The following PDE3B variants were observed in gnomAD, a reference collection of about 807,000 sequenced individuals.
PDE3B encodes the protein cGMP-inhibited 3',5'-cyclic phosphodiesterase 3B.
In PDE3B, 66 loss-of-function variants were observed where a neutral mutation model predicts 116.8. The ratio of observed to expected loss-of-function variants is 0.56; its 90% CI spans 0.46 to 0.69. PDE3B has a LOEUF of 0.69. PDE3B is among the 30% of genes least tolerant of loss of function. PDE3B has a pLI of 0.00. For missense variants in PDE3B, 1,384 were observed against 1,368.1 expected, an observed-to-expected ratio of 1.01 and a Z score of -0.18; for synonymous variants, 595 against 533.6, an observed-to-expected ratio of 1.12 and a Z score of -1.59.
chr11:14,679,073 T>C (rs1052371459), intron 1 of PDE3B, among the ~76,000 whole-genome samples: 1 of 152,204 alleles, frequency 6.6e-6, no homozygotes, highest in Non-Finnish European at 1.5e-5. Flanking sequence ...TTTATGCAGA[T>C]TTATTTCCGG....
intron 14 of PDE3B, among the ~76,000 whole-genome samples, chr11:14,866,249 G>T (rs1053396808): frequency 6.6e-6 from 1 of 152,094 alleles, no homozygotes; most frequent in Non-Finnish European, 1.5e-5. Context: ...TAATCTAAGT[G>T]TCATTATTCA....
chr11:14,732,230 G>A (rs1856477706), intron 1 of PDE3B, among the ~76,000 whole-genome samples: 1 of 152,120 alleles, frequency 6.6e-6, no homozygotes, highest in Non-Finnish European at 1.5e-5. Context: ...GCAAAGGGAA[G>A]AGTAAAAGGA....
chr11:14,767,593 G>C lies in PDE3B; in HGVS notation c.979-4344G>C, dbSNP rs191774984. On this transcript the variant is annotated intron_variant, in intron 1 of 15. Coordinates refer to ENST00000282096, the MANE Select transcript of PDE3B (RefSeq NM_000922.4). ...TAAAAGATATAAATAATATTCAAATGATGTGAAAATACTTCAGGTAAGATG... is the reference window on the plus strand; with the variant it reads ...TAAAAGATATAAATAATATTCAAATCATGTGAAAATACTTCAGGTAAGATG... 2.0e-3 allele frequency among the ~76,000 whole-genome samples: 296 copies of C among 151,514 alleles called. 2 individuals carry two copies. The highest frequency in any genetic ancestry group is 7.3e-3 in the South Asian group (35 of 4,810).
At chr11:14,699,936 A>C (rs1855317295) in intron 1 of PDE3B, among the ~76,000 whole-genome samples, 1 of 151,800 alleles carries the variant, frequency 6.6e-6, no homozygotes, top group African/African-American at 2.4e-5. Flanking sequence ...TTGCTATCTC[A>C]GTGGCAGTAT....
the PDE3B span, chr11:14,877,814 AAGTACCTGGTACTAAACAAGATGCT>A: frequency 7.3e-5 from 20 of 273,194 alleles, no homozygotes; most frequent in Non-Finnish European, 1.2e-4. Context: ...GAAGGGATGA[AAGTACCTGGTACTAAACAAGATGCT>A]CAGCTTAGGG....
At chr11:14,862,200 A>T (rs527678311) in intron 14 of PDE3B, among the ~76,000 whole-genome samples, 2 of 152,248 alleles carry the variant, frequency 1.3e-5, no homozygotes, top group African/African-American at 4.8e-5. Context: ...TTAGAGAGAC[A>T]GCTTAACCTA....
chr11:14,696,352 G>A (rs1011217703), intron 1 of PDE3B, among the ~76,000 whole-genome samples: 1 of 152,182 alleles, frequency 6.6e-6, no homozygotes, highest in African/African-American at 2.4e-5. Flanking sequence ...GTAGGTATAC[G>A]TTTAACTTCA....
chr11:14,835,883 C>T (rs565034759), intron 11 of PDE3B, among the ~76,000 whole-genome samples: 2 of 152,232 alleles, frequency 1.3e-5, no homozygotes, highest in East Asian at 3.9e-4. Flanking sequence ...TCTCTTGAGC[C>T]CAGGAGTTCA....
At chr11:14,757,160 C>T (rs1310471275) in intron 1 of PDE3B, among the ~76,000 whole-genome samples, 1 of 152,010 alleles carries the variant, frequency 6.6e-6, no homozygotes, top group Non-Finnish European at 1.5e-5. Flanking sequence ...GCATAGTACT[C>T]CATGGTGTAT....
intron 5 of PDE3B, among the ~76,000 whole-genome samples, chr11:14,810,084 T>A (rs904525520): frequency 2.6e-5 from 4 of 152,294 alleles, no homozygotes; most frequent in Admixed American, 6.5e-5. Flanking sequence ...AAAAGTATTA[T>A]AAAAGCATAT....
At chr11:14,806,659 A>G (rs1858935750) in intron 5 of PDE3B, among the ~76,000 whole-genome samples, 1 of 151,638 alleles carries the variant, frequency 6.6e-6, no homozygotes, top group Non-Finnish European at 1.5e-5. Flanking sequence ...GGAGATCGAG[A>G]CCATCCCGGC....
intron 1 of PDE3B, among the ~76,000 whole-genome samples, chr11:14,736,546 A>C (rs890657500): frequency 6.6e-6 from 1 of 152,228 alleles, no homozygotes. Flanking sequence ...AAGGAACTGA[A>C]GTCCAAGATT....
chr11:14,825,072 C>T (rs542008969), intron 7 of PDE3B, among the ~76,000 whole-genome samples: 178 of 152,128 alleles, frequency 1.2e-3, no homozygotes, highest in African/African-American at 4.0e-3. Context: ...TTCAGATAAG[C>T]AAATGCTGAG....
rs182704581 is a variant in PDE3B at position 14,792,649 on chromosome 11, G to A, written c.1415+3407G>A. On this transcript the variant is annotated intron_variant, in intron 4 of 15. Transcript: ENST00000282096. Reference sequence around the variant, plus strand: ...GAGGACTTGAGATTTTACTAATTAAGGAGGCCATTCCTTTACAACACCAAA... The same window carrying A: ...GAGGACTTGAGATTTTACTAATTAAAGAGGCCATTCCTTTACAACACCAAA... Among the ~76,000 whole-genome samples, 4 of 152,166 alleles carry A rather than the reference G, an allele frequency of 2.6e-5. No individual in the cohort carries two copies. The East Asian group carries it at 7.7e-4, about 29-fold the overall frequency.
At chr11:14,745,767 C>A (rs1856894992) in intron 1 of PDE3B, among the ~76,000 whole-genome samples, 1 of 151,850 alleles carries the variant, frequency 6.6e-6, no homozygotes, top group African/African-American at 2.4e-5. Context: ...AAAGTACATA[C>A]AAGGATTGTT....
intron 12 of PDE3B, among the ~76,000 whole-genome samples, chr11:14,850,065 A>G (rs930785444): frequency 4.6e-5 from 7 of 152,178 alleles, no homozygotes; most frequent in African/African-American, 2.4e-5. Context: ...ATTATTCACA[A>G]TAGCAAAGAC....
Position 14,644,141 on chromosome 11 carries a change from GCCC to G in PDE3B, c.70_72del (p.Pro24del). The G allele has an allele frequency of 1.3e-6, 2 of 1,587,014 alleles. No individual in the cohort carries two copies. The highest frequency in any genetic ancestry group is 1.7e-6 in the Non-Finnish European group (2 of 1,174,944). ...TGCAGCCGCCGGATGGGGCCGGCTC[GCCC>G]CCCGAGAGTCTGAGGAACGGCTACG... On this transcript the variant is annotated inframe_deletion, in exon 1 of 16. Transcript: ENST00000282096.
chr11:14,771,706 A>T (rs144255006), intron 1 of PDE3B, among the ~76,000 whole-genome samples: 120 of 151,830 alleles, frequency 7.9e-4, no homozygotes, highest in African/African-American at 2.8e-3. Context: ...GAAGGTTAAT[A>T]TGGCTTGTTT....
chr11:14,894,640 C>G, the PDE3B span, among the ~76,000 whole-genome samples: 3 of 152,192 alleles, frequency 2.0e-5, no homozygotes, highest in Admixed American at 1.3e-4. Context: ...ACTGACAGCA[C>G]TGATGAAATG....
Sources: allele counts gnomAD v4.1 joint callset (sites outside exome capture counted in the v4.1 genomes callset), GRCh38; gene constraint gnomAD v4.1.1; transcripts MANE v1.5; gene names NCBI Gene and HGNC (gene_info 2026-07-23, HGNC 2026-07-21).